The following PPM1L variants were observed in gnomAD, a reference collection of about 807,000 sequenced individuals.
PPM1L encodes the protein protein phosphatase, Mg2+/Mn2+ dependent 1L.
Under a neutral mutation model 31.4 loss-of-function variants are expected in PPM1L, and 13 were observed. That is an observed-to-expected ratio of 0.41 (90% CI 0.27 to 0.66). PPM1L has a LOEUF of 0.66. Among genes scored for constraint, PPM1L ranks in the 30% least tolerant of loss-of-function variants. The probability of loss-of-function intolerance (pLI) is 0.29; values close to 1 mark genes in which losing one functional copy is unlikely to be tolerated. For synonymous variants in PPM1L, 184 were observed against 175.4 expected, an observed-to-expected ratio of 1.05 and a Z score of -0.39; for missense variants, 326 against 453.7, an observed-to-expected ratio of 0.72 and a Z score of 2.56.
At chr3:161,045,338 G>A (rs6767132) in intron 2 of PPM1L, among the ~76,000 whole-genome samples, 20,942 of 152,040 alleles carry the variant, frequency 0.14, 2,169 homozygotes, top group African/African-American at 0.29. Context: ...GCACCACATC[G>A]CACTTATTCC....
chr3:160,839,051 C>T (rs1336472270), intron 1 of PPM1L, among the ~76,000 whole-genome samples: 6 of 152,196 alleles, frequency 3.9e-5, no homozygotes, highest in Non-Finnish European at 8.8e-5. Flanking sequence ...CTTGCCTTCT[C>T]ACCATGAGAT....
At position 160,968,314 on chromosome 3, in the gene PPM1L, G is replaced by T. The variant is rs567302787; in HGVS notation, c.574+6404G>T. On this transcript the variant is annotated intron_variant, in intron 2 of 3. Coordinates refer to ENST00000498165, the MANE Select transcript of PPM1L (RefSeq NM_139245.4). Reference sequence around the variant, plus strand: ...GATCTATTAATGTTTTTATTTAATTGAAGTACAAGTTTTCGTACACTTCAG... The same window carrying T: ...GATCTATTAATGTTTTTATTTAATTTAAGTACAAGTTTTCGTACACTTCAG... Among the ~76,000 whole-genome samples, 52 of 152,278 alleles carry T rather than the reference G, an allele frequency of 3.4e-4. 1 individual carries two copies. The South Asian group carries it at 0.01, about 30-fold the overall frequency.
intron 1 of PPM1L, among the ~76,000 whole-genome samples, chr3:160,877,220 C>A (rs895450473): frequency 2.6e-5 from 4 of 152,162 alleles, no homozygotes; most frequent in African/African-American, 9.6e-5. Flanking sequence ...TAATAATAAT[C>A]AAAAATCTTT....
chr3:160,984,927 G>A (rs1716916112), intron 2 of PPM1L, among the ~76,000 whole-genome samples: 1 of 152,134 alleles, frequency 6.6e-6, no homozygotes, highest in South Asian at 2.1e-4. Flanking sequence ...AGGGCTGGTG[G>A]TGTCTAGTGG....
intron 2 of PPM1L, among the ~76,000 whole-genome samples, chr3:160,965,224 C>T (rs191788926): frequency 6.6e-6 from 1 of 151,516 alleles, no homozygotes; most frequent in Admixed American, 6.6e-5. Context: ...GCACTCAAGC[C>T]TGGGCGACAG....
intron 2 of PPM1L, among the ~76,000 whole-genome samples, chr3:161,038,297 T>C (rs1718806391): frequency 6.7e-6 from 1 of 148,342 alleles, no homozygotes; most frequent in Non-Finnish European, 1.5e-5. Context: ...TCAATAAACA[T>C]AGTTAAGAGT....
chr3:160,896,185 T>G (rs966580379), intron 1 of PPM1L, among the ~76,000 whole-genome samples: 10 of 152,172 alleles, frequency 6.6e-5, no homozygotes, highest in African/African-American at 2.4e-4. Flanking sequence ...TAATTTTACT[T>G]TGAATTACTT....
chr3:160,898,553 C>A (rs1029565236), intron 1 of PPM1L, among the ~76,000 whole-genome samples: 28 of 152,160 alleles, frequency 1.8e-4, no homozygotes, highest in African/African-American at 6.8e-4. Flanking sequence ...AATTGTGAGG[C>A]CTCAATTGCT....
intron 2 of PPM1L, among the ~76,000 whole-genome samples, chr3:161,003,158 G>T (rs1576774912): frequency 1.3e-5 from 2 of 152,110 alleles, no homozygotes; most frequent in African/African-American, 4.8e-5. Flanking sequence ...TAGATAGGTG[G>T]CGTTATTTCT....
At chr3:160,910,917 C>T (rs1713950602) in intron 1 of PPM1L, among the ~76,000 whole-genome samples, 2 of 152,078 alleles carry the variant, frequency 1.3e-5, no homozygotes, top group African/African-American at 4.8e-5. Context: ...TTCTTGAACT[C>T]GGGGATTCAG....
At chr3:160,806,619 G>T (rs1463510193) in intron 1 of PPM1L, among the ~76,000 whole-genome samples, 1 of 151,980 alleles carries the variant, frequency 6.6e-6, no homozygotes. Context: ...TTTAAAAATC[G>T]AAGTAACATC....
At chr3:160,891,340 T>C (rs979036870) in intron 1 of PPM1L, among the ~76,000 whole-genome samples, 2 of 151,978 alleles carry the variant, frequency 1.3e-5, no homozygotes, top group African/African-American at 4.8e-5. Context: ...GAACAGAATA[T>C]TTCAAGAATG....
chr3:160,802,949 T>C (rs188535149), intron 1 of PPM1L, among the ~76,000 whole-genome samples: 2 of 152,338 alleles, frequency 1.3e-5, no homozygotes, highest in South Asian at 2.1e-4. Context: ...CCATGGACTC[T>C]ATTAAGATAG....
chr3:160,868,392 C>G (rs1329997002), intron 1 of PPM1L, among the ~76,000 whole-genome samples: 1 of 152,132 alleles, frequency 6.6e-6, no homozygotes, highest in African/African-American at 2.4e-5. Flanking sequence ...ACTTCGGTGT[C>G]GGGGGAACTA....
At chr3:161,064,767 G>C (rs935400983) in intron 2 of PPM1L, among the ~76,000 whole-genome samples, 1 of 151,952 alleles carries the variant, frequency 6.6e-6, no homozygotes, top group Non-Finnish European at 1.5e-5. Flanking sequence ...CTTCTGACTC[G>C]AACCACCCTC....
At chr3:160,901,488 C>T (rs978243062) in intron 1 of PPM1L, among the ~76,000 whole-genome samples, 4 of 152,112 alleles carry the variant, frequency 2.6e-5, no homozygotes, top group Non-Finnish European at 4.4e-5. Flanking sequence ...AAATTCTCCT[C>T]CTCACCCAGT....
At chr3:160,977,886 C>A (rs112869583) in intron 2 of PPM1L, among the ~76,000 whole-genome samples, 3,800 of 152,242 alleles carry the variant, frequency 0.025, 82 homozygotes, top group South Asian at 0.041. Context: ...GTGGAGACAA[C>A]TTCTCTTTTG....
chr3:161,034,249 G>T (rs561891824), intron 2 of PPM1L, among the ~76,000 whole-genome samples: 6 of 152,278 alleles, frequency 3.9e-5, no homozygotes, highest in African/African-American at 1.4e-4. Context: ...TGGTGGGAGC[G>T]TAAATTAGTT....
chr3:161,045,213 C>G (rs151167329), intron 2 of PPM1L, among the ~76,000 whole-genome samples: 1 of 152,116 alleles, frequency 6.6e-6, no homozygotes, highest in African/African-American at 2.4e-5. Flanking sequence ...GACAGATCAA[C>G]GAGACACAAA....
Sources: allele counts gnomAD v4.1 joint callset (sites outside exome capture counted in the v4.1 genomes callset), GRCh38; gene constraint gnomAD v4.1.1; transcripts MANE v1.5; gene names NCBI Gene and HGNC (gene_info 2026-07-23, HGNC 2026-07-21).